Variants in PCDHGA9 observed in about 807,000 individuals in gnomAD.
PCDHGA9 encodes protocadherin gamma subfamily A, 9.
A neutral mutation model predicts 62.5 loss-of-function variants in PCDHGA9; 37 were observed. The ratio of observed to expected loss-of-function variants is 0.59; its 90% CI spans 0.46 to 0.78. PCDHGA9 has a LOEUF of 0.78. Ranked by LOEUF, PCDHGA9 falls within the 30% of genes least tolerant of loss-of-function variation. The pLI is 0.00. For synonymous variants in PCDHGA9, 459 were observed against 484.6 expected (o/e 0.95, Z 0.69); for missense variants, 1,138 against 1,166.2 (o/e 0.98, Z 0.35).
chr5:141,476,038 G>A lies in PCDHGA9; in HGVS notation c.2425-18769G>A, dbSNP rs1426234941. 1.3e-6 allele frequency: 2 copies of A among 1,484,842 alleles called. No homozygotes were observed. Among genetic ancestry groups the A allele is most frequent in the Non-Finnish European group, 1.8e-6 (2 of 1,118,086 alleles). 92.0% of individuals were successfully genotyped at this position (1,484,842 alleles called of 1,614,324 possible). The stretch of plus-strand genomic sequence containing the variant: ...GTCGGACTCGGCGCCCAGCGCCCAA[G>A]CGCTAACCCGCTGAAAGTTTCTCAG... On this transcript the variant is annotated intron_variant, in intron 1 of 3. Coordinates refer to ENST00000573521, the MANE Select transcript of PCDHGA9 (RefSeq NM_018921.3). The surrounding 1 kb of genome is among the most constrained non-coding windows in gnomAD (Gnocchi z 7.6).
intron 1 of PCDHGA9, chr5:141,415,152 C>T (rs758450562): frequency 6.2e-7 from 1 of 1,613,812 alleles, no homozygotes; most frequent in Admixed American, 1.7e-5. Context: ...CCCCTCTCTC[C>T]GCCACTGTCA....
chr5:141,444,044 T>C (rs188266846), intron 1 of PCDHGA9, among the ~76,000 whole-genome samples: 1 of 152,098 alleles, frequency 6.6e-6, no homozygotes, highest in East Asian at 1.9e-4. Flanking sequence ...ATCAGATAAT[T>C]TGGCATCTTC....
intron 1 of PCDHGA9, among the ~76,000 whole-genome samples, chr5:141,447,747 C>A (rs1164160677): frequency 2.0e-5 from 3 of 152,106 alleles, no homozygotes; most frequent in Non-Finnish European, 4.4e-5. Flanking sequence ...AAGAGTCTTG[C>A]ATGTGACTGT....
At chr5:141,465,229 A>G (rs1010075158) in intron 1 of PCDHGA9, among the ~76,000 whole-genome samples, 6 of 152,208 alleles carry the variant, frequency 3.9e-5, no homozygotes, top group Non-Finnish European at 2.9e-5. Flanking sequence ...CATGAGCTCC[A>G]TCAAGTTCAA....
At chr5:141,463,526 A>G (rs989086820) in intron 1 of PCDHGA9, among the ~76,000 whole-genome samples, 1 of 131,914 alleles carries the variant, frequency 7.6e-6, no homozygotes, top group Non-Finnish European at 1.5e-5. Flanking sequence ...TCGGCTTACT[A>G]GAAACTCCGG....
chr5:141,408,965 C>T lies in PCDHGA9; in HGVS notation c.2424+3589C>T, dbSNP rs767484272. The T allele has an allele frequency of 1.5e-5, 25 of 1,613,688 alleles. No homozygotes were observed. The Admixed American group carries it at 4.2e-4, about 27-fold the overall frequency. On this transcript the variant is annotated intron_variant, in intron 1 of 3. Transcript: ENST00000573521. ...ATATAGAATTAGTCTTAGTGAAAATCTGCCCCCTGGGTCCCCTGTGTTGCA... is the reference window on the plus strand; with the variant it reads ...ATATAGAATTAGTCTTAGTGAAAATTTGCCCCCTGGGTCCCCTGTGTTGCA...
chr5:141,451,716 T>C (rs947058540), intron 1 of PCDHGA9, among the ~76,000 whole-genome samples: 1 of 152,092 alleles, frequency 6.6e-6, no homozygotes, highest in Non-Finnish European at 1.5e-5. Context: ...ACCCTGCCTC[T>C]ACTAAAAATA....
In PCDHGA9 at chr5:141,512,394, C is replaced by A. The variant is rs750967336; in HGVS notation, c.*1221C>A. 1 of 152,706 alleles carries A rather than the reference C, an allele frequency of 6.5e-6. No homozygotes were observed. The highest frequency in any genetic ancestry group is 1.5e-5 in the Non-Finnish European group (1 of 68,084). The allele number at this position is 152,706 out of a possible 1,614,324, so 9.5% of individuals were successfully genotyped here. ...GACCAAATGAACAGAAAGTCTCAGC[C>A]CAGGATGGGGCTTCTTCAACAGGGC... is the stretch of plus-strand genomic sequence containing the variant. On this transcript the variant is annotated 3_prime_UTR_variant, in exon 4 of 4. Transcript: ENST00000573521.
Position 141,423,286 on chromosome 5 carries a change from ACCT to A in PCDHGA9, c.2424+17912_2424+17914del, listed in dbSNP as rs554024395. 8.7e-3 allele frequency: 13,966 copies of A among 1,613,746 alleles called. 98 individuals are homozygous for A. The highest frequency in any genetic ancestry group is 0.011 in the Middle Eastern group (68 of 6,062). ...CCTCGAGTCTCTGGCTAACTCTGAAACCTCAGACCTCTCGCTGTACTTGGTGGT... is the reference window on the plus strand; with the variant it reads ...CCTCGAGTCTCTGGCTAACTCTGAAACAGACCTCTCGCTGTACTTGGTGGT... On this transcript the variant is annotated intron_variant, in intron 1 of 3. Transcript: ENST00000573521.
chr5:141,432,997 G>A lies in PCDHGA9; in HGVS notation c.2424+27621G>A, dbSNP rs778828769. ...CGCACTTTGTGGGCGTGGACGGGGT[G>A]CAGGCTTTCCTGCAGACCTATTCCC... is the stretch of plus-strand genomic sequence containing the variant. On this transcript the variant is annotated intron_variant, in intron 1 of 3. Coordinates refer to ENST00000573521, the MANE Select transcript of PCDHGA9 (RefSeq NM_018921.3). This position sits in a 1 kb window ranked among gnomAD's most constrained non-coding sequence, Gnocchi z 6.0. 5 of 1,614,082 alleles carry A rather than the reference G, an allele frequency of 3.1e-6. No homozygotes were observed. In the Admixed American group the frequency reaches 8.3e-5, roughly 27 times the overall value.
In PCDHGA9 at chr5:141,511,028, T is replaced by G. The variant is rs1279056657; in HGVS notation, c.2654T>G (p.Leu885Arg). The G allele has an allele frequency of 3.7e-6, 6 of 1,614,084 alleles. No individual in the cohort carries two copies. The highest frequency in any genetic ancestry group is 1.7e-5 in the Admixed American group (1 of 60,004). ...LSARYGPQFT[L>R]QHVPDYRQNV... is the part of the protein sequence containing the mutation. The stretch of plus-strand genomic sequence containing the variant: ...GCCCGCTACGGACCCCAGTTCACCC[T>G]GCAGCACGTGCCCGACTACCGCCAG... Residue 885 changes from leucine to arginine, a missense_variant, in exon 4 of 4, where the codon CTG becomes CGG. Physicochemically the swap from Leu to Arg is moderately radical, Grantham distance 102. Transcript: ENST00000573521.
chr5:141,465,881 G>T (rs1000308014), intron 1 of PCDHGA9, among the ~76,000 whole-genome samples: 1 of 151,960 alleles, frequency 6.6e-6, no homozygotes, highest in African/African-American at 2.4e-5. Flanking sequence ...CCAGCACTTT[G>T]GGAGGCCGAG....
rs773499765 is a variant in PCDHGA9 at position 141,489,626 on chromosome 5, A to T, written c.2425-5181A>T. 6.2e-6 allele frequency: 10 copies of T among 1,613,568 alleles called. No individual in the cohort carries two copies. In the South Asian group the frequency reaches 9.9e-5, roughly 16 times the overall value. On this transcript the variant is annotated intron_variant, in intron 1 of 3. Coordinates refer to ENST00000573521, the MANE Select transcript of PCDHGA9 (RefSeq NM_018921.3). The surrounding 1 kb of genome is among the most constrained non-coding windows in gnomAD (Gnocchi z 4.5). The stretch of plus-strand genomic sequence containing the variant: ...GTAGAGATCCTGGATCTCAATGACA[A>T]CTCTCCTAGCTTTGCCACCCCTGAG...
intron 1 of PCDHGA9, chr5:141,418,959 C>A: frequency 6.2e-7 from 1 of 1,613,976 alleles, no homozygotes; most frequent in East Asian, 2.2e-5. Flanking sequence ...GTGGTTGTTG[C>A]CCTCTTCAAA....
chr5:141,455,660 G>A (rs1485792613), intron 1 of PCDHGA9, among the ~76,000 whole-genome samples: 1 of 152,134 alleles, frequency 6.6e-6, no homozygotes, highest in Non-Finnish European at 1.5e-5. Flanking sequence ...CCAGGAACTT[G>A]TGGGGCAAGG....
In PCDHGA9 at chr5:141,485,146, G is replaced by C; in HGVS notation, c.2425-9661G>C. 6.4e-7 allele frequency: 1 copy of C among 1,569,470 alleles called. No individual in the cohort carries two copies. Among genetic ancestry groups the C allele is most frequent in the Non-Finnish European group, 8.7e-7 (1 of 1,143,568 alleles). On this transcript the variant is annotated intron_variant, in intron 1 of 3. Transcript: ENST00000573521. The surrounding 1 kb of genome is among the most constrained non-coding windows in gnomAD (Gnocchi z 5.7). Reference sequence around the variant, plus strand: ...GGTCGGCTTCATCCGCGTCTCAGGAGCAAGTAGAGAATTAGCGGGCGGCAG... The same window carrying C: ...GGTCGGCTTCATCCGCGTCTCAGGACCAAGTAGAGAATTAGCGGGCGGCAG...
intron 1 of PCDHGA9, among the ~76,000 whole-genome samples, chr5:141,454,773 G>A (rs1272535268): frequency 6.9e-6 from 1 of 144,540 alleles, no homozygotes; most frequent in East Asian, 2.0e-4. Flanking sequence ...TTTTTTACAA[G>A]GAAATAATCC....
At position 141,422,164 on chromosome 5, in the gene PCDHGA9, T is replaced by C. The variant is rs2096630287; in HGVS notation, c.2424+16788T>C. 2 of 1,568,668 alleles carry C rather than the reference T, an allele frequency of 1.3e-6. No homozygotes were observed. Among genetic ancestry groups the C allele is most frequent in the Non-Finnish European group, 1.7e-6 (2 of 1,162,894 alleles). On this transcript the variant is annotated intron_variant, in intron 1 of 3. Coordinates refer to ENST00000573521, the MANE Select transcript of PCDHGA9 (RefSeq NM_018921.3). ...ACGGGGGTCTCTGGATTTTGAAAAA[T>C]ATAGATTCTATGAGATGGAAATTCA... is the stretch of plus-strand genomic sequence containing the variant.
Position 141,419,080 on chromosome 5 carries a change from T to G in PCDHGA9, c.2424+13704T>G, listed in dbSNP as rs1286490083. The G allele has an allele frequency of 3.1e-6, 5 of 1,613,842 alleles. No individual in the cohort carries two copies. The South Asian group carries it at 5.5e-5, about 18-fold the overall frequency. On this transcript the variant is annotated intron_variant, in intron 1 of 3. Transcript: ENST00000573521. ...ATAATTACTACAAGCTAGTAACAGA[T>G]GAGGCCCTGGATCGGGAGCAGACCC... is the stretch of plus-strand genomic sequence containing the variant.
Sources: allele counts gnomAD v4.1 joint callset (sites outside exome capture counted in the v4.1 genomes callset), GRCh38; gene constraint gnomAD v4.1.1; non-coding constraint Gnocchi (gnomAD v3.1); transcripts MANE v1.5; gene names NCBI Gene and HGNC (gene_info 2026-07-23, HGNC 2026-07-21).